Variants in UBR1 observed in about 807,000 individuals in gnomAD.
UBR1 encodes the protein E3 ubiquitin-protein ligase UBR1.
A neutral mutation model predicts 242.1 loss-of-function variants in UBR1; 102 were observed. That is an observed-to-expected ratio of 0.42 (90% CI 0.36 to 0.50). The LOEUF (loss-of-function observed/expected upper bound fraction) is 0.50. UBR1 is among the 20% of genes least tolerant of loss of function. The pLI is 0.01. For missense variants in UBR1, 1,772 were observed against 2,101.8 expected, an observed-to-expected ratio of 0.84 and a Z score of 3.07; for synonymous variants, 675 against 684.8, an observed-to-expected ratio of 0.99 and a Z score of 0.22.
intron 46 of UBR1, among the ~76,000 whole-genome samples, chr15:42,946,342 A>G (rs1022721465): frequency 9.9e-5 from 15 of 152,004 alleles, no homozygotes; most frequent in African/African-American, 3.1e-4. Context: ...TGGCCAGGCT[A>G]GTCTCGAACT....
rs769337008 is a variant in UBR1 at position 42,945,357 on chromosome 15, A to G, written c.5222T>C (p.Leu1741Ser). ...IARSQETNQMLFGFNWQLL is the reference protein window; with the variant it reads ...IARSQETNQMSFGFNWQLL ...CAGTAACTGCCAGTTGAATCCAAAT[A>G]ACATCTGATTAGTCTCTTGGCTCCT... The change falls in exon 47 of 47, where the codon TTA becomes TCA. Residue 1741 changes from leucine (L) to serine (S), a missense_variant. Transcript: ENST00000290650. 1 of 1,614,198 alleles carries G rather than the reference A, an allele frequency of 6.2e-7. No homozygotes were observed. The highest frequency in any genetic ancestry group is 8.5e-7 in the Non-Finnish European group (1 of 1,180,036).
chr15:43,059,546 C>A (rs1449993160), intron 8 of UBR1, among the ~76,000 whole-genome samples, 156 bp downstream of exon 8: 1 of 141,884 alleles, frequency 7.0e-6, no homozygotes. Flanking sequence ...AGATATTATA[C>A]ATTTGAAATG....
intron 33 of UBR1, among the ~76,000 whole-genome samples, chr15:42,992,351 A>T (rs1307231091): frequency 6.6e-6 from 1 of 152,160 alleles, no homozygotes; most frequent in African/African-American, 2.4e-5. Context: ...ATTATCTTGT[A>T]TATTTGGAAT....
intron 46 of UBR1, among the ~76,000 whole-genome samples, chr15:42,949,861 T>C (rs951330881): frequency 1.3e-5 from 2 of 151,542 alleles, no homozygotes; most frequent in Admixed American, 6.6e-5. Flanking sequence ...TTTTTTTTTT[T>C]TTTAGACAGA....
chr15:43,089,387 C>G (rs1003489349), intron 1 of UBR1, among the ~76,000 whole-genome samples: 3 of 151,782 alleles, frequency 2.0e-5, no homozygotes, highest in African/African-American at 7.3e-5. Context: ...CCCAGCTACT[C>G]GGGAGGCTGA....
At chr15:42,999,061 C>T (rs768883763) in intron 32 of UBR1, among the ~76,000 whole-genome samples, 14 of 152,064 alleles carry the variant, frequency 9.2e-5, no homozygotes, top group Non-Finnish European at 2.1e-4. Flanking sequence ...CTGCCTCAGC[C>T]TCCCGAGTTG....
chr15:43,043,169 A>G (rs1382510893), intron 15 of UBR1, 46 bp downstream of exon 15: 3 of 1,597,394 alleles, frequency 1.9e-6, no homozygotes, highest in Non-Finnish European at 2.6e-6. Context: ...GAATACCTAG[A>G]AAGAAAGCTA....
chr15:43,015,653 A>AC, intron 29 of UBR1, 35 bp downstream of exon 29: 1 of 1,607,098 alleles, frequency 6.2e-7, no homozygotes. Flanking sequence ...AAAAAAAAAA[A>AC]TTGAGTTGGT....
intron 46 of UBR1, 110 bp downstream of exon 46, chr15:42,950,152 G>T: frequency 1.9e-6 from 2 of 1,062,834 alleles, no homozygotes; most frequent in Non-Finnish European, 2.9e-6. Flanking sequence ...ATTACCTTTT[G>T]TGATTAAAGA....
rs1462316636 is a variant in UBR1, at chr15:43,036,273, C to T, written c.2095G>A (p.Ala699Thr). 6.2e-7 allele frequency: 1 copy of T among 1,612,552 alleles called. No individual in the cohort carries two copies. Reference sequence around the variant, plus strand: ...AACTTATTGGGATCCATTAAAGATGCACCAATCTGTGAAAGAAATCCAGCA... The same window carrying T: ...AACTTATTGGGATCCATTAAAGATGTACCAATCTGTGAAAGAAATCCAGCA... ...DKDIIMLQIG[A>T]SLMDPNKFLL... Residue 699 changes from alanine to threonine, a missense_variant, in exon 19 of 47, where the codon GCA becomes ACA. Coordinates refer to ENST00000290650, the MANE Select transcript of UBR1 (RefSeq NM_174916.3).
rs1258310183 is a variant in UBR1 at position 43,058,348 on chromosome 15, A to G, written c.1175T>C (p.Phe392Ser). Reference protein sequence around the residue: ...MEYKKLFAMEFVKYYKQLQKE... With the variant: ...MEYKKLFAMESVKYYKQLQKE... ...TAATTTATAAATAATTACCTTCACA[A>G]ATTCCATAGCAAAGAGTTTTTTGTA... is the stretch of plus-strand genomic sequence containing the variant. The change falls in exon 10 of 47, where the codon TTT (phenylalanine) becomes TCT (serine). Residue 392 changes from phenylalanine (F) to serine (S), a missense_variant. Around this residue, in one of 3 missense-constraint regions of UBR1, gnomAD observed 734 missense variants for 893.3 expected, o/e 0.82. Coordinates refer to ENST00000290650, the MANE Select transcript of UBR1 (RefSeq NM_174916.3). 6.2e-7 allele frequency: 1 copy of G among 1,600,440 alleles called. No individual in the cohort carries two copies. Among genetic ancestry groups the G allele is most frequent in the Non-Finnish European group, 8.5e-7 (1 of 1,170,060 alleles).
At chr15:42,958,313 A>G (rs1394083087) in intron 43 of UBR1, among the ~76,000 whole-genome samples, 1 of 152,240 alleles carries the variant, frequency 6.6e-6, no homozygotes, top group African/African-American at 2.4e-5. Flanking sequence ...TCTAGTTTCT[A>G]GGACTAAACT....
chr15:42,978,738 T>C (rs903012355), intron 37 of UBR1, among the ~76,000 whole-genome samples: 1 of 151,318 alleles, frequency 6.6e-6, no homozygotes, highest in Non-Finnish European at 1.5e-5. Flanking sequence ...TTTTCTTTTT[T>C]TTTTTTTTTA....
At chr15:42,982,468 A>G (rs781610149) in intron 37 of UBR1, among the ~76,000 whole-genome samples, 66 of 152,322 alleles carry the variant, frequency 4.3e-4, no homozygotes, top group Non-Finnish European at 7.5e-4. Flanking sequence ...TGACTAGTGG[A>G]ACAGCATCAA....
intron 33 of UBR1, among the ~76,000 whole-genome samples, chr15:42,994,293 AT>A (rs2032600348): frequency 6.6e-6 from 1 of 151,078 alleles, no homozygotes; most frequent in South Asian, 2.1e-4. Context: ...CACACCTATA[AT>A]CCAAACACTT....
chr15:42,964,077 A>G (rs958321466), intron 41 of UBR1, 34 bp from the exon 42 acceptor site: 2 of 1,414,784 alleles, frequency 1.4e-6, no homozygotes, highest in Admixed American at 3.4e-5. Flanking sequence ...TAATAAGCAC[A>G]TTATTCTTAC....
At position 43,043,335 on chromosome 15, in the gene UBR1, T is replaced by C. The variant is rs140662099; in HGVS notation, c.1729A>G (p.Ser577Gly). Residue 577 changes from serine (S) to glycine (G), a missense_variant, in exon 15 of 47, where the codon AGT (serine) becomes GGT (glycine). By Grantham distance (56) the Ser-to-Gly change is moderately conservative (BLOSUM62 0). Transcript: ENST00000290650. ...CHKAVMRCST[S>G]FISSSKTVVQ... ...ACTGTCTTGCTACTAGATATGAAACTGGTACTGCACCTCATCACAGCTTTG... is the reference window on the plus strand; with the variant it reads ...ACTGTCTTGCTACTAGATATGAAACCGGTACTGCACCTCATCACAGCTTTG... 6.2e-6 allele frequency: 10 copies of C among 1,613,988 alleles called. No individual in the cohort carries two copies. The highest frequency in any genetic ancestry group is 7.6e-6 in the Non-Finnish European group (9 of 1,180,012).
chr15:43,082,462 C>CT (rs897437827), intron 3 of UBR1, among the ~76,000 whole-genome samples, 176 bp downstream of exon 3: 1 of 152,134 alleles, frequency 6.6e-6, no homozygotes, highest in Non-Finnish European at 1.5e-5. Context: ...AAAATTACTC[C>CT]TTTTTTCTTT....
chr15:42,959,879 ACT>A (rs910866652), intron 43 of UBR1, among the ~76,000 whole-genome samples: 7 of 152,216 alleles, frequency 4.6e-5, no homozygotes, highest in African/African-American at 1.4e-4. Flanking sequence ...GCAAATGTGC[ACT>A]GTCTTGAAGT....
Sources: allele counts gnomAD v4.1 joint callset (sites outside exome capture counted in the v4.1 genomes callset), GRCh38; gene constraint gnomAD v4.1.1; regional missense constraint gnomAD v4.1.1; transcripts MANE v1.5; gene names NCBI Gene and HGNC (gene_info 2026-07-23, HGNC 2026-07-21).